KDM4B: variants seen among roughly 807,000 people sequenced by gnomAD.
KDM4B encodes lysine demethylase 4B, also known as lysine-specific demethylase 4B.
In KDM4B, 32 loss-of-function variants were observed where a neutral mutation model predicts 125.2. That is an observed-to-expected ratio of 0.26 (90% CI 0.19 to 0.34). The LOEUF is 0.34. Among genes scored for constraint, KDM4B ranks in the 10% least tolerant of loss-of-function variants. The probability of loss-of-function intolerance (pLI) is 1.00; values close to 1 mark genes in which losing one functional copy is unlikely to be tolerated. For synonymous variants in KDM4B, 721 were observed against 677.9 expected, an observed-to-expected ratio of 1.06 and a Z score of -0.99; for missense variants, 1,190 against 1,577.7, an observed-to-expected ratio of 0.75 and a Z score of 4.16.
chr19:5,062,251 G>C (rs2037625362), intron 6 of KDM4B, among the ~76,000 whole-genome samples: 1 of 152,258 alleles, frequency 6.6e-6, no homozygotes, highest in South Asian at 2.1e-4. Context: ...CTGGCCTGTG[G>C]ATCCACTCCC....
At chr19:5,011,790 G>A (rs2035735737) in intron 1 of KDM4B, among the ~76,000 whole-genome samples, 1 of 152,254 alleles carries the variant, frequency 6.6e-6, no homozygotes, top group African/African-American at 2.4e-5. Context: ...TCCGGTGACT[G>A]GCAGCCCCAT....
At chr19:5,040,619 C>T (rs1315993190) in intron 4 of KDM4B, among the ~76,000 whole-genome samples, 2 of 152,194 alleles carry the variant, frequency 1.3e-5, no homozygotes, top group East Asian at 3.9e-4. Context: ...GTTCAGCAGG[C>T]ACAGCCACGT....
intron 9 of KDM4B, among the ~76,000 whole-genome samples, chr19:5,092,439 G>T (rs11672790): frequency 0.21 from 32,406 of 152,154 alleles, 3,666 homozygotes; most frequent in Admixed American, 0.28. Context: ...CACTGCTCTC[G>T]GCTTTCGGGA....
At chr19:4,990,777 CCTT>C (rs965286235) in intron 1 of KDM4B, among the ~76,000 whole-genome samples, 13 of 151,898 alleles carry the variant, frequency 8.6e-5, no homozygotes, top group African/African-American at 3.1e-4. Flanking sequence ...TGGATAAGGC[CCTT>C]CTTAGTGCTA....
chr19:5,062,086 G>A (rs868363628), intron 6 of KDM4B, among the ~76,000 whole-genome samples: 2 of 152,148 alleles, frequency 1.3e-5, no homozygotes, highest in Admixed American at 6.5e-5. Flanking sequence ...GAGTCTTTGC[G>A]AAAGGGTCTC....
At chr19:5,059,554 ACAGGCT>A (rs1454485352) in intron 6 of KDM4B, among the ~76,000 whole-genome samples, 1 of 152,184 alleles carries the variant, frequency 6.6e-6, no homozygotes, top group Non-Finnish European at 1.5e-5. Flanking sequence ...CGTGGTGGGC[ACAGGCT>A]GAGACTTAGG....
rs537104001 is a variant in KDM4B at position 4,997,092 on chromosome 19, G to A, written c.-108-19165G>A. Among the ~76,000 whole-genome samples the A allele has an allele frequency of 1.3e-5, 2 of 152,316 alleles. No homozygotes were observed. The highest frequency in any genetic ancestry group is 6.5e-5 in the Admixed American group (1 of 15,306). On this transcript the variant is annotated intron_variant, in intron 1 of 22. Coordinates refer to ENST00000159111, the MANE Select transcript of KDM4B (RefSeq NM_015015.3). The surrounding 1 kb of genome is among the most constrained non-coding windows in gnomAD (Gnocchi z 4.2). ...CTCCACGCCAGCACCACCCTCAGTCGTGACAGCCATAAATGTCCCTAGACA... is the reference window on the plus strand; with the variant it reads ...CTCCACGCCAGCACCACCCTCAGTCATGACAGCCATAAATGTCCCTAGACA...
chr19:5,024,647 C>A (rs532638542), intron 2 of KDM4B, among the ~76,000 whole-genome samples: 165 of 148,218 alleles, frequency 1.1e-3, no homozygotes, highest in African/African-American at 4.1e-3. Flanking sequence ...AACAGCTGCC[C>A]TAAAAAAAAA....
chr19:5,016,132 A>G (rs555824112), intron 1 of KDM4B, 125 bp from the exon 2 acceptor site: 1 of 152,248 alleles, frequency 6.6e-6, no homozygotes, highest in Non-Finnish European at 1.5e-5. Context: ...ATTGACAAGA[A>G]TGTGGAAAAT....
intron 6 of KDM4B, among the ~76,000 whole-genome samples, chr19:5,057,172 C>T (rs192838817): frequency 0.011 from 1,713 of 150,700 alleles, 15 homozygotes; most frequent in Non-Finnish European, 0.016. Context: ...CCCCTCTGCA[C>T]ACTGTGGTGG....
At chr19:5,096,780 G>T (rs1471424748) in intron 9 of KDM4B, among the ~76,000 whole-genome samples, 1 of 151,472 alleles carries the variant, frequency 6.6e-6, no homozygotes, top group Non-Finnish European at 1.5e-5. Flanking sequence ...TTGCCGTGGC[G>T]CCTGCCTGGT....
intron 22 of KDM4B, 152 bp from the exon 23 acceptor site, chr19:5,151,183 T>G: frequency 1.5e-6 from 1 of 650,996 alleles, no homozygotes; most frequent in South Asian, 5.5e-5. Context: ...GGATCAGGGG[T>G]TTACAAACAC....
At chr19:5,022,761 CTGAG>C (rs2145569387) in intron 2 of KDM4B, among the ~76,000 whole-genome samples, 1 of 152,112 alleles carries the variant, frequency 6.6e-6, no homozygotes, top group South Asian at 2.1e-4. Flanking sequence ...GTGCTCCTGT[CTGAG>C]TGAGCGCAGG....
intron 6 of KDM4B, among the ~76,000 whole-genome samples, chr19:5,054,403 A>G (rs2145739559): frequency 6.6e-6 from 1 of 152,164 alleles, no homozygotes; most frequent in South Asian, 2.1e-4. Flanking sequence ...GAAGTCCCAT[A>G]TCCTGGAACC....
chr19:4,973,541 T>TA (rs1568197817), intron 1 of KDM4B, among the ~76,000 whole-genome samples: 1 of 151,840 alleles, frequency 6.6e-6, no homozygotes, highest in Non-Finnish European at 1.5e-5. Flanking sequence ...ACCACTATAT[T>TA]AAAAAAAAGA....
At chr19:5,023,606 A>G (rs983617628) in intron 2 of KDM4B, among the ~76,000 whole-genome samples, 3 of 152,158 alleles carry the variant, frequency 2.0e-5, no homozygotes, top group Admixed American at 1.3e-4. Flanking sequence ...CTGGGGCCGC[A>G]TGGGGCTTCA....
intron 8 of KDM4B, among the ~76,000 whole-genome samples, chr19:5,080,014 G>A (rs767565749): frequency 3.3e-5 from 5 of 152,194 alleles, no homozygotes; most frequent in Non-Finnish European, 7.3e-5. Context: ...CCCATGTCCT[G>A]CACGGCGGGG....
chr19:5,110,917 G>A (rs913384190), intron 10 of KDM4B, 99 bp downstream of exon 10: 38 of 923,414 alleles, frequency 4.1e-5, no homozygotes, highest in East Asian at 1.6e-4. Flanking sequence ...GCTCCGGGCC[G>A]TGTCCCACTC....
rs1404775076 is a variant in KDM4B, at chr19:5,114,899, C to T, written c.1115+4081C>T. On this transcript the variant is annotated intron_variant, in intron 10 of 22. Coordinates refer to ENST00000159111, the MANE Select transcript of KDM4B (RefSeq NM_015015.3). The surrounding 1 kb of genome is among the most constrained non-coding windows in gnomAD (Gnocchi z 5.8). ...ACCTTGGAAATATTAGTGCAGTTATCTGGACTATGTCCCGACATTTGGCTC... is the reference window on the plus strand; with the variant it reads ...ACCTTGGAAATATTAGTGCAGTTATTTGGACTATGTCCCGACATTTGGCTC... 6.6e-6 allele frequency among the ~76,000 whole-genome samples: 1 copy of T among 152,270 alleles called. No individual in the cohort carries two copies. Among genetic ancestry groups the T allele is most frequent in the Non-Finnish European group, 1.5e-5 (1 of 68,048 alleles).
Sources: allele counts gnomAD v4.1 joint callset (sites outside exome capture counted in the v4.1 genomes callset), GRCh38; gene constraint gnomAD v4.1.1; non-coding constraint Gnocchi (gnomAD v3.1); transcripts MANE v1.5; gene names NCBI Gene and HGNC (gene_info 2026-07-23, HGNC 2026-07-21).